The following LAMC3 variants were observed in gnomAD, a reference collection of about 807,000 sequenced individuals.
LAMC3 encodes laminin subunit gamma 3.
Under a neutral mutation model 173.8 loss-of-function variants are expected in LAMC3, and 128 were observed. The ratio of observed to expected loss-of-function variants is 0.74; its 90% CI spans 0.64 to 0.85. The LOEUF is 0.85. Ranked by LOEUF, LAMC3 falls within the 40% of genes least tolerant of loss-of-function variation. The pLI, the probability that LAMC3 is intolerant of heterozygous loss-of-function variation, is 0.00. For missense variants in LAMC3, 2,022 were observed against 2,156.0 expected (o/e 0.94, Z 1.23); for synonymous variants, 897 against 909.1 (o/e 0.99, Z 0.24).
In LAMC3 at chr9:131,045,528, C is replaced by T. The variant is rs139333395; in HGVS notation, c.1387C>T (p.Arg463Cys). Residue 463 changes from arginine to cysteine, a missense_variant, in exon 8 of 28, where the codon CGC (arginine) becomes TGC (cysteine). Arg to Cys is a radical substitution (Grantham distance 180). Coordinates refer to ENST00000361069, the MANE Select transcript of LAMC3 (RefSeq NM_006059.4). ...CATGTCCTGCCTCCATTTCAGATGTCGCCCGGGGACCTTTAACCTGCAGCC... is the reference window on the plus strand; with the variant it reads ...CATGTCCTGCCTCCATTTCAGATGTTGCCCGGGGACCTTTAACCTGCAGCC... Reference protein sequence around the residue: ...NVEGNLCDRCRPGTFNLQPHN... With the variant: ...NVEGNLCDRCCPGTFNLQPHN... The T allele has an allele frequency of 9.3e-6, 15 of 1,613,566 alleles. No individual in the cohort carries two copies. The highest frequency in any genetic ancestry group is 2.2e-5 in the East Asian group (1 of 44,890).
At chr9:131,071,457 T>C in intron 17 of LAMC3, 27 bp from the exon 18 acceptor site, 1 of 1,592,250 alleles carries the variant, frequency 6.3e-7, no homozygotes. Context: ...ACCAGCCTCA[T>C]ACACCTTTTC....
Position 131,091,949 on chromosome 9 carries a change from C to A in LAMC3, c.*162C>A. The A allele has an allele frequency of 1.2e-6, 1 of 846,164 alleles. No individual in the cohort carries two copies. Among genetic ancestry groups the A allele is most frequent in the South Asian group, 1.7e-5 (1 of 59,358 alleles). 52.4% of individuals were successfully genotyped at this position (846,164 alleles called of 1,614,324 possible). A position where few individuals can be genotyped will look rare whatever the true frequency, so the allele number is the denominator to read the frequency against. ...CACTCCCTGCCGATTCTGTCTGTGG[C>A]TTCTTCCCTGCCAGCAGGACTGAGT... On this transcript the variant is annotated 3_prime_UTR_variant, in exon 28 of 28. Coordinates refer to ENST00000361069, the MANE Select transcript of LAMC3 (RefSeq NM_006059.4).
intron 8 of LAMC3, among the ~76,000 whole-genome samples, 161 bp from the exon 9 acceptor site, chr9:131,048,859 C>T (rs529143542): frequency 6.6e-6 from 1 of 152,042 alleles, no homozygotes; most frequent in Non-Finnish European, 1.5e-5. Flanking sequence ...GCAGGGCAGG[C>T]TTCCAGGTCT....
rs370616030 is a variant in LAMC3 at position 131,085,651 on chromosome 9, C to T, written c.4158C>T (p.Asn1386=). The part of the protein sequence containing the change: ...KTKQAERMLG[N]AAPLSSSAKK... ...AGCAGGCGGAGAGGATGCTGGGAAA[C>T]GCGGCCCCTCTTTCCTCCAGTGCCA... Residue 1386 remains asparagine, a synonymous_variant, in exon 25 of 28, where the codon AAC becomes AAT. Transcript: ENST00000361069. The T allele has an allele frequency of 8.7e-6, 14 of 1,614,048 alleles. No individual in the cohort carries two copies. Among genetic ancestry groups the T allele is most frequent in the East Asian group, 4.5e-5 (2 of 44,886 alleles).
rs571471631 is a variant in LAMC3, at chr9:131,075,354, G to A, written c.3495-477G>A. 9.2e-5 allele frequency among the ~76,000 whole-genome samples: 14 copies of A among 152,170 alleles called. No individual in the cohort carries two copies. In the South Asian group the frequency reaches 2.1e-3, roughly 23 times the overall value. The stretch of plus-strand genomic sequence containing the variant: ...TTTGGGAGGCCGAGGTGGGTGGATC[G>A]CCTGAGGACAGGAGGTCGAGACCAG... On this transcript the variant is annotated intron_variant, in intron 20 of 27. Transcript: ENST00000361069.
intron 19 of LAMC3, 99 bp downstream of exon 19, chr9:131,072,934 A>G: frequency 9.1e-7 from 1 of 1,097,808 alleles, no homozygotes; most frequent in Non-Finnish European, 1.4e-6. Flanking sequence ...ATGACTCCCC[A>G]CTTTGGGAGG....
chr9:131,090,767 C>G (rs1019184801), intron 27 of LAMC3, among the ~76,000 whole-genome samples: 1 of 152,232 alleles, frequency 6.6e-6, no homozygotes, highest in African/African-American at 2.4e-5. Context: ...TGGCTCACAC[C>G]TGTAATCCCA....
chr9:131,080,837 C>T (rs1332064348), intron 23 of LAMC3, among the ~76,000 whole-genome samples: 1 of 152,144 alleles, frequency 6.6e-6, no homozygotes, highest in Non-Finnish European at 1.5e-5. Context: ...TCGTCCTCCT[C>T]CCCACCCCAT....
At chr9:131,071,300 C>G (rs747593048) in intron 17 of LAMC3, among the ~76,000 whole-genome samples, 184 bp from the exon 18 acceptor site, 5 of 152,100 alleles carry the variant, frequency 3.3e-5, no homozygotes, top group Non-Finnish European at 7.4e-5. Context: ...GGGGAAGGGA[C>G]AGCTACCATG....
chr9:131,084,925 C>T (rs555707244), intron 24 of LAMC3, among the ~76,000 whole-genome samples: 2 of 137,224 alleles, frequency 1.5e-5, no homozygotes, highest in East Asian at 4.1e-4. Context: ...GGTGACAGAG[C>T]GAGACCTTGT....
Position 131,026,398 on chromosome 9 carries a change from T to C in LAMC3, c.487T>C (p.Tyr163His). 6.2e-7 allele frequency: 1 copy of C among 1,614,116 alleles called. No homozygotes were observed. Among genetic ancestry groups the C allele is most frequent in the Non-Finnish European group, 8.5e-7 (1 of 1,180,038 alleles). ...ADGPWEPYQF[Y>H]SASCQKTYGR... is the part of the protein sequence containing the mutation. The stretch of plus-strand genomic sequence containing the variant: ...CGGCCCATGGGAGCCCTACCAGTTC[T>C]ACAGCGCCTCCTGCCAGAAGACCTA... The change falls in exon 2 of 28, where the codon TAC (tyrosine) becomes CAC (histidine). Residue 163 changes from tyrosine to histidine, a missense_variant. Tyr to His is a moderately conservative substitution (Grantham distance 83, BLOSUM62 2). Coordinates refer to ENST00000361069, the MANE Select transcript of LAMC3 (RefSeq NM_006059.4). This position sits in a 1 kb window ranked among gnomAD's most constrained non-coding sequence, Gnocchi z 4.8.
chr9:131,023,064 C>G (rs943578976), intron 1 of LAMC3, among the ~76,000 whole-genome samples: 1 of 152,180 alleles, frequency 6.6e-6, no homozygotes, highest in Admixed American at 6.5e-5. Context: ...TGCCACTTAA[C>G]GTTCTCGTGG....
intron 9 of LAMC3, among the ~76,000 whole-genome samples, chr9:131,051,976 C>T (rs550721640): frequency 5.3e-5 from 8 of 152,256 alleles, no homozygotes; most frequent in South Asian, 4.1e-4. Flanking sequence ...GCCTTCTTTC[C>T]GAGTTCAGGG....
chr9:131,082,273 G>A (rs1313862446), intron 24 of LAMC3, 112 bp downstream of exon 24: 9 of 788,006 alleles, frequency 1.1e-5, no homozygotes, highest in Non-Finnish European at 2.0e-5. Flanking sequence ...CTGGTCTTGT[G>A]GGCTTAATTA....
chr9:131,058,796 A>T (rs1444281491), intron 12 of LAMC3, among the ~76,000 whole-genome samples: 1 of 151,146 alleles, frequency 6.6e-6, no homozygotes, highest in East Asian at 2.0e-4. Context: ...TGGGAGGCTG[A>T]GGCAGGAGAA....
chr9:131,050,266 G>C (rs1010290923), intron 9 of LAMC3, among the ~76,000 whole-genome samples: 3 of 152,232 alleles, frequency 2.0e-5, no homozygotes, highest in Non-Finnish European at 4.4e-5. Context: ...CGCTCCCGGG[G>C]CACCCTGAGC....
At chr9:131,052,266 T>G (rs943815634) in intron 9 of LAMC3, among the ~76,000 whole-genome samples, 1 of 152,170 alleles carries the variant, frequency 6.6e-6, no homozygotes, top group Non-Finnish European at 1.5e-5. Context: ...TTATTAAGAA[T>G]GTGAAGATGG....
At chr9:131,014,163 G>C (rs1198883265) in intron 1 of LAMC3, among the ~76,000 whole-genome samples, 1 of 152,228 alleles carries the variant, frequency 6.6e-6, no homozygotes, top group Non-Finnish European at 1.5e-5. Context: ...GCAAAGCCCA[G>C]GATGGGTGTA....
chr9:131,012,048 A>AACACACAC lies in LAMC3; in HGVS notation c.373+2467_373+2474dup, dbSNP rs3837236. 1.4e-3 allele frequency among the ~76,000 whole-genome samples: 192 copies of AACACACAC among 138,234 alleles called. 2 individuals are homozygous for AACACACAC. The highest frequency in any genetic ancestry group is 6.0e-3 in the South Asian group (24 of 4,018). The allele number at this position is 138,234 out of a possible 152,430, so 90.7% of individuals were successfully genotyped here. A position where few individuals can be genotyped will look rare whatever the true frequency, so the allele number is the denominator to read the frequency against. On this transcript the variant is annotated intron_variant, in intron 1 of 27. Coordinates refer to ENST00000361069, the MANE Select transcript of LAMC3 (RefSeq NM_006059.4). ...CTCCACACTGTGAATGTAGAGAGCG[A>AACACACAC]ACACACACACACATACACACACACA...
Sources: allele counts gnomAD v4.1 joint callset (sites outside exome capture counted in the v4.1 genomes callset), GRCh38; gene constraint gnomAD v4.1.1; non-coding constraint Gnocchi (gnomAD v3.1); transcripts MANE v1.5; gene names NCBI Gene and HGNC (gene_info 2026-07-23, HGNC 2026-07-21).